The following LARGE1 variants were observed in gnomAD, a reference collection of about 807,000 sequenced individuals.
LARGE1 encodes LARGE xylosyl- and glucuronyltransferase 1.
Under a neutral mutation model 87.6 loss-of-function variants are expected in LARGE1, and 43 were observed. That is an observed-to-expected ratio of 0.49 (90% CI 0.38 to 0.63). The LOEUF is 0.63. Among genes scored for constraint, LARGE1 ranks in the 30% least tolerant of loss-of-function variants. The probability of loss-of-function intolerance (pLI) is 0.00; values close to 1 mark genes in which losing one functional copy is unlikely to be tolerated. For synonymous variants in LARGE1, 434 were observed against 394.6 expected, an observed-to-expected ratio of 1.10 and a Z score of -1.18; for missense variants, 802 against 1,000.2, an observed-to-expected ratio of 0.80 and a Z score of 2.67.
chr22:33,574,437 AAT>A (rs2078291875), intron 5 of LARGE1, among the ~76,000 whole-genome samples: 1 of 152,210 alleles, frequency 6.6e-6, no homozygotes, highest in Non-Finnish European at 1.5e-5. Flanking sequence ...GTACATGTTC[AAT>A]ATAGATGCAA....
intron 2 of LARGE1, among the ~76,000 whole-genome samples, chr22:33,699,404 G>A (rs1412242797): frequency 6.6e-6 from 1 of 152,192 alleles, no homozygotes; most frequent in African/African-American, 2.4e-5. Context: ...AAGAAATGGA[G>A]AACCAGATGT....
At chr22:33,843,753 G>A (rs1438814821) in intron 1 of LARGE1, among the ~76,000 whole-genome samples, 4 of 152,076 alleles carry the variant, frequency 2.6e-5, no homozygotes, top group Non-Finnish European at 4.4e-5. Flanking sequence ...GGCCGTAAGA[G>A]AATATATGTG....
chr22:33,614,312 G>A (rs376733296), intron 4 of LARGE1, among the ~76,000 whole-genome samples: 51 of 152,114 alleles, frequency 3.4e-4, no homozygotes, highest in African/African-American at 1.1e-3. Context: ...TCCAACCTTG[G>A]GGACATCTCA....
intron 9 of LARGE1, among the ~76,000 whole-genome samples, chr22:33,381,500 T>G (rs780275627): frequency 1.3e-5 from 2 of 152,160 alleles, no homozygotes; most frequent in Non-Finnish European, 2.9e-5. Context: ...TTTAAATACT[T>G]ACTTCTTTGC....
intron 6 of LARGE1, among the ~76,000 whole-genome samples, chr22:33,496,773 C>T (rs2070142522): frequency 6.6e-6 from 1 of 152,184 alleles, no homozygotes; most frequent in Non-Finnish European, 1.5e-5. Flanking sequence ...CTCATTCCAC[C>T]TCTTTTATCC....
chr22:33,371,065 GAAT>G (rs1484666125), intron 9 of LARGE1, among the ~76,000 whole-genome samples: 5 of 150,012 alleles, frequency 3.3e-5, no homozygotes, highest in African/African-American at 9.8e-5. Context: ...ACATGTTATA[GAAT>G]AACATGTTAT....
chr22:33,795,255 T>C (rs1216026236), intron 1 of LARGE1, among the ~76,000 whole-genome samples: 12 of 152,232 alleles, frequency 7.9e-5, no homozygotes, highest in Non-Finnish European at 1.6e-4. Context: ...ATTTAAGTAC[T>C]TAACACTTAG....
intron 6 of LARGE1, among the ~76,000 whole-genome samples, chr22:33,483,616 C>A (rs554843842): frequency 1.3e-4 from 19 of 151,646 alleles, no homozygotes; most frequent in Non-Finnish European, 2.9e-5. Flanking sequence ...CCAAGGGGAA[C>A]GAAATAGGAG....
At chr22:33,904,493 C>T (rs1351818281) in intron 1 of LARGE1, among the ~76,000 whole-genome samples, 1 of 152,190 alleles carries the variant, frequency 6.6e-6, no homozygotes, top group Non-Finnish European at 1.5e-5. Flanking sequence ...GAAAAAGATG[C>T]TTTCCCTCAG....
chr22:33,822,571 G>A (rs959140944), intron 1 of LARGE1, among the ~76,000 whole-genome samples: 6 of 152,050 alleles, frequency 3.9e-5, no homozygotes, highest in East Asian at 1.9e-4. Context: ...GGTGGCAGAC[G>A]TCTGTAATCC....
intron 10 of LARGE1, among the ~76,000 whole-genome samples, chr22:33,319,458 C>T (rs545655749): frequency 3.3e-5 from 5 of 152,202 alleles, no homozygotes; most frequent in Middle Eastern, 3.4e-3. Context: ...TGCAGTGACG[C>T]GATCTCAGCT....
intron 7 of LARGE1, among the ~76,000 whole-genome samples, chr22:33,402,541 A>G (rs754455895): frequency 6.6e-5 from 10 of 152,196 alleles, no homozygotes; most frequent in Admixed American, 1.3e-4. Flanking sequence ...CTACCCACAC[A>G]GCACGCATGA....
intron 2 of LARGE1, among the ~76,000 whole-genome samples, chr22:33,722,303 GAGGGAGAGGAGGGAGAGGGAGAGGAGGGA>G: frequency 2.9e-5 from 4 of 138,924 alleles, no homozygotes; most frequent in South Asian, 2.5e-4. Context: ...AGAGGAGGGA[GAGGGAGAGGAGGGAGAGGGAGAGGAGGGA>G]GAGGGAGAGG....
chr22:33,759,470 C>G (rs760378836), intron 2 of LARGE1, among the ~76,000 whole-genome samples: 1 of 152,148 alleles, frequency 6.6e-6, no homozygotes, highest in Non-Finnish European at 1.5e-5. Flanking sequence ...TCATCCCCCC[C>G]ATCTGTAAAA....
At chr22:33,335,486 T>G (rs1938334165) in intron 10 of LARGE1, among the ~76,000 whole-genome samples, 1 of 152,148 alleles carries the variant, frequency 6.6e-6, no homozygotes, top group South Asian at 2.1e-4. Flanking sequence ...ATGCCTCTGG[T>G]CCTTCCACAG....
chr22:33,641,159 G>A (rs112216645), intron 3 of LARGE1, among the ~76,000 whole-genome samples: 17 of 152,284 alleles, frequency 1.1e-4, no homozygotes, highest in African/African-American at 2.4e-4. Flanking sequence ...GGCTGGCAAC[G>A]GGCGGGTGCC....
chr22:33,483,343 T>C (rs954915958), intron 6 of LARGE1, among the ~76,000 whole-genome samples: 1 of 152,170 alleles, frequency 6.6e-6, no homozygotes, highest in Middle Eastern at 3.2e-3. Context: ...AAGATTTCAT[T>C]TTATTAATGG....
intron 6 of LARGE1, among the ~76,000 whole-genome samples, chr22:33,467,698 T>C (rs527757669): frequency 2.0e-5 from 3 of 152,314 alleles, no homozygotes; most frequent in Admixed American, 6.5e-5. Flanking sequence ...AAATGGCATT[T>C]AGTGAGACAG....
chr22:33,620,554 C>A (rs2149050587), intron 4 of LARGE1, among the ~76,000 whole-genome samples: 1 of 152,194 alleles, frequency 6.6e-6, no homozygotes, highest in South Asian at 2.1e-4. Flanking sequence ...ATATATTTTT[C>A]TCATCCATCT....
Sources: allele counts gnomAD v4.1 joint callset (sites outside exome capture counted in the v4.1 genomes callset), GRCh38; gene constraint gnomAD v4.1.1; transcripts MANE v1.5; gene names NCBI Gene and HGNC (gene_info 2026-07-23, HGNC 2026-07-21).